The following BABAM2 variants were observed in gnomAD, a reference collection of about 807,000 sequenced individuals.
BABAM2 encodes BRISC and BRCA1 A complex member 2, also known as BRISC and BRCA1-A complex member 2.
BABAM2 carries 31 observed loss-of-function variants against 54.7 expected under a neutral mutation model. That is an observed-to-expected ratio of 0.57 (90% CI 0.43 to 0.77). BABAM2 has a LOEUF of 0.77. BABAM2 is among the 30% of genes least tolerant of loss of function. BABAM2 has a pLI of 0.00. For synonymous variants in BABAM2, 167 were observed against 162.9 expected (o/e 1.03, Z -0.19); for missense variants, 364 against 455.8 (o/e 0.80, Z 1.83).
chr2:28,202,377 G>C (rs1558432235), intron 7 of BABAM2, among the ~76,000 whole-genome samples: 1 of 149,430 alleles, frequency 6.7e-6, no homozygotes, highest in African/African-American at 2.5e-5. Context: ...TCCCCCTCCT[G>C]CTTCCCTCCC....
At chr2:28,082,379 AATAT>A in intron 6 of BABAM2, among the ~76,000 whole-genome samples, 1 of 152,318 alleles carries the variant, frequency 6.6e-6, no homozygotes, top group East Asian at 1.9e-4. Flanking sequence ...TGGAAAAGGC[AATAT>A]GTCATCTGAA....
At chr2:28,226,432 C>CTA (rs1680893685) in intron 7 of BABAM2, among the ~76,000 whole-genome samples, 1 of 151,854 alleles carries the variant, frequency 6.6e-6, no homozygotes, top group South Asian at 2.1e-4. Context: ...TTTTAAGTGT[C>CTA]TAATATGCTT....
At chr2:28,300,505 G>A (rs766824245) in intron 11 of BABAM2, among the ~76,000 whole-genome samples, 1 of 152,242 alleles carries the variant, frequency 6.6e-6, no homozygotes, top group Non-Finnish European at 1.5e-5. Flanking sequence ...TATGCTTGAA[G>A]TATTGATATC....
chr2:28,274,741 C>T (rs958760995), intron 10 of BABAM2, among the ~76,000 whole-genome samples: 1 of 152,212 alleles, frequency 6.6e-6, no homozygotes. Context: ...AATGGGAGAG[C>T]TGAGTGGTCA....
At chr2:28,001,491 TACAG>T (rs1370075897) in intron 4 of BABAM2, among the ~76,000 whole-genome samples, 2 of 152,238 alleles carry the variant, frequency 1.3e-5, no homozygotes, top group African/African-American at 4.8e-5. Flanking sequence ...AAAATATGGC[TACAG>T]ACAGTTATGC....
At chr2:28,277,665 C>T (rs936893591) in intron 10 of BABAM2, among the ~76,000 whole-genome samples, 1 of 152,218 alleles carries the variant, frequency 6.6e-6, no homozygotes, top group East Asian at 1.9e-4. Flanking sequence ...TTTTGTTCCT[C>T]ACCTGCTATG....
intron 7 of BABAM2, among the ~76,000 whole-genome samples, chr2:28,194,779 C>T (rs1017252531): frequency 4.6e-5 from 7 of 151,734 alleles, no homozygotes; most frequent in South Asian, 2.1e-4. Context: ...AGGCTGGTCT[C>T]GAACTCCTAA....
At chr2:28,328,296 C>T (rs1054077764) in intron 11 of BABAM2, among the ~76,000 whole-genome samples, 7 of 152,192 alleles carry the variant, frequency 4.6e-5, no homozygotes, top group Admixed American at 4.6e-4. Context: ...GATTTTCAGA[C>T]CACAATCGGT....
chr2:28,093,664 T>G (rs1486464076), intron 6 of BABAM2, among the ~76,000 whole-genome samples: 3 of 152,228 alleles, frequency 2.0e-5, no homozygotes, highest in African/African-American at 7.2e-5. Context: ...TTTAGTTTTG[T>G]TATGAATTAA....
At chr2:28,210,300 G>A (rs529984798) in intron 7 of BABAM2, among the ~76,000 whole-genome samples, 52 of 152,274 alleles carry the variant, frequency 3.4e-4, no homozygotes, top group Non-Finnish European at 6.2e-4. Context: ...GGAAAGACAC[G>A]TTTGTGCCGT....
chr2:28,318,783 T>G (rs1689780598), intron 11 of BABAM2, among the ~76,000 whole-genome samples: 1 of 152,182 alleles, frequency 6.6e-6, no homozygotes, highest in African/African-American at 2.4e-5. Flanking sequence ...TGTGTAGGCA[T>G]GGTTTAATCT....
In BABAM2 at chr2:27,894,743, A is replaced by G. The variant is rs1273827844; in HGVS notation, c.128+59A>G. The G allele has an allele frequency of 3.1e-6, 5 of 1,595,256 alleles. No individual in the cohort carries two copies. The African/African-American group carries it at 6.7e-5, about 21-fold the overall frequency. On this transcript the variant is annotated intron_variant, in intron 2 of 11. Transcript: ENST00000379624. ...GAACCAATTCAACCTTTACCTAATG[A>G]CAGCCCTTCCTTACCAGACTCATAA... is the stretch of plus-strand genomic sequence containing the variant.
intron 10 of BABAM2, among the ~76,000 whole-genome samples, chr2:28,254,263 A>G (rs534646488): frequency 6.6e-6 from 1 of 152,166 alleles, no homozygotes; most frequent in Non-Finnish European, 1.5e-5. Context: ...CAGCCTCCCA[A>G]GTATCTGGGA....
chr2:28,265,310 C>A (rs1684886761), intron 10 of BABAM2, among the ~76,000 whole-genome samples: 1 of 152,142 alleles, frequency 6.6e-6, no homozygotes, highest in Non-Finnish European at 1.5e-5. Context: ...GCCTGTAATC[C>A]CAGCTACTCA....
At chr2:28,161,289 C>T (rs1673068202) in intron 7 of BABAM2, among the ~76,000 whole-genome samples, 1 of 152,102 alleles carries the variant, frequency 6.6e-6, no homozygotes, top group Non-Finnish European at 1.5e-5. Flanking sequence ...TTCACTGTGT[C>T]TCCTAGGGTT....
chr2:28,081,365 G>C (rs989010169), intron 6 of BABAM2, among the ~76,000 whole-genome samples: 7 of 152,192 alleles, frequency 4.6e-5, no homozygotes, highest in African/African-American at 4.8e-5. Context: ...AGGCAGGCTA[G>C]AGCCACACTT....
intron 5 of BABAM2, among the ~76,000 whole-genome samples, chr2:28,026,774 TA>T (rs1159682091): frequency 0.019 from 1,878 of 100,936 alleles, 156 homozygotes; most frequent in African/African-American, 0.068. Context: ...TATAAATATA[TA>T]AAAAAATATA....
Position 28,249,603 on chromosome 2 carries a change from C to A in BABAM2, c.934+4741C>A, listed in dbSNP as rs1262198281. On this transcript the variant is annotated intron_variant, in intron 10 of 11. Coordinates refer to ENST00000379624, the MANE Select transcript of BABAM2 (RefSeq NM_199191.3). The stretch of plus-strand genomic sequence containing the variant: ...AAACAAATATTTTATGACTTGTCTA[C>A]TTTATGCAAGACACAGTTATATGAG... 2.0e-5 allele frequency among the ~76,000 whole-genome samples: 3 copies of A among 152,094 alleles called. No homozygotes were observed. The East Asian group carries it at 5.8e-4, about 29-fold the overall frequency.
chr2:28,306,955 C>T (rs1432130769), intron 11 of BABAM2, among the ~76,000 whole-genome samples: 2 of 144,896 alleles, frequency 1.4e-5, no homozygotes, highest in Admixed American at 7.1e-5. Context: ...CTTGGCCCCC[C>T]AAAGTGCTGG....
Sources: allele counts gnomAD v4.1 joint callset (sites outside exome capture counted in the v4.1 genomes callset), GRCh38; gene constraint gnomAD v4.1.1; transcripts MANE v1.5; gene names NCBI Gene and HGNC (gene_info 2026-07-23, HGNC 2026-07-21).